Variants in MALRD1 observed in about 807,000 individuals in gnomAD.
The protein encoded by MALRD1 is MAM and LDL-receptor class A domain-containing protein 1.
A neutral mutation model predicts 242.1 loss-of-function variants in MALRD1; 247 were observed. The observed-to-expected ratio is 1.02, with a 90% CI of 0.92 to 1.13. The LOEUF (loss-of-function observed/expected upper bound fraction) is 1.13, where lower values mean the gene tolerates loss of function less well. MALRD1 is among the 50% of genes most tolerant of loss of function. The pLI is 0.00. For missense variants in MALRD1, 2,989 were observed against 2,533.1 expected, an observed-to-expected ratio of 1.18 and a Z score of -3.86; for synonymous variants, 995 against 866.6, an observed-to-expected ratio of 1.15 and a Z score of -2.60.
intron 18 of MALRD1, among the ~76,000 whole-genome samples, chr10:19,250,951 TTAA>T (rs1839269121): frequency 6.6e-6 from 1 of 151,948 alleles, no homozygotes; most frequent in Non-Finnish European, 1.5e-5. Context: ...GATTTCTCTT[TTAA>T]TATTATTATT....
At chr10:19,200,310 A>G (rs1439710533) in intron 14 of MALRD1, among the ~76,000 whole-genome samples, 1 of 152,196 alleles carries the variant, frequency 6.6e-6, no homozygotes, top group Admixed American at 6.5e-5. Context: ...TACTACTCAC[A>G]TGCTCAGCCT....
At chr10:19,489,791 A>G (rs1356766627) in intron 29 of MALRD1, among the ~76,000 whole-genome samples, 1 of 152,144 alleles carries the variant, frequency 6.6e-6, no homozygotes, top group Non-Finnish European at 1.5e-5. Context: ...AATTACTTCT[A>G]TTCCCATGTT....
rs564955602 is a variant in MALRD1 at position 19,273,336 on chromosome 10, TC to T, written c.3080-6710del. 3.3e-5 allele frequency among the ~76,000 whole-genome samples: 5 copies of T among 152,314 alleles called. No homozygotes were observed. The South Asian group carries it at 1.0e-3, about 32-fold the overall frequency. On this transcript the variant is annotated intron_variant, in intron 19 of 39. Transcript: ENST00000454679. ...CCGCTTTGAAAAAGGTTTGATATTTTCTTTTAGAATTAAACATAGTCTTACC... is the reference window on the plus strand; with the variant it reads ...CCGCTTTGAAAAAGGTTTGATATTTTTTTTAGAATTAAACATAGTCTTACC...
intron 24 of MALRD1, 80 bp downstream of exon 24, chr10:19,331,662 C>T: frequency 8.6e-7 from 1 of 1,162,094 alleles, no homozygotes; most frequent in Middle Eastern, 2.5e-4. Flanking sequence ...ATTGTTGAAA[C>T]ATGCAGAGTG....
intron 18 of MALRD1, among the ~76,000 whole-genome samples, chr10:19,228,384 G>A (rs892726891): frequency 1.3e-5 from 2 of 152,154 alleles, no homozygotes; most frequent in Admixed American, 6.6e-5. Context: ...CCTGTGTTCA[G>A]GAATGGAGAA....
rs1317431085 is a variant in MALRD1, at chr10:19,518,853, C to T, written c.5321-12341C>T. Among the ~76,000 whole-genome samples the T allele has an allele frequency of 3.3e-5, 5 of 152,278 alleles. No homozygotes were observed. The East Asian group carries it at 7.7e-4, about 24-fold the overall frequency. ...GCCATTCATGAATCACTCACAACCA[C>T]AGTGAAAATTATGACCATCAGCACT... On this transcript the variant is annotated intron_variant, in intron 31 of 39. Transcript: ENST00000454679.
At chr10:19,259,309 A>C (rs1194830985) in intron 19 of MALRD1, among the ~76,000 whole-genome samples, 2 of 152,122 alleles carry the variant, frequency 1.3e-5, no homozygotes, top group Non-Finnish European at 2.9e-5. Context: ...ATACTTGAGC[A>C]CTTCAGCCAA....
intron 28 of MALRD1, among the ~76,000 whole-genome samples, chr10:19,411,473 G>A (rs1833273810): frequency 6.6e-6 from 1 of 152,154 alleles, no homozygotes; most frequent in Non-Finnish European, 1.5e-5. Flanking sequence ...TATGAACTAA[G>A]CACTCTTCTA....
At chr10:19,573,969 G>A (rs1836680537) in intron 33 of MALRD1, among the ~76,000 whole-genome samples, 1 of 152,118 alleles carries the variant, frequency 6.6e-6, no homozygotes, top group South Asian at 2.1e-4. Context: ...GAGAGTGAAT[G>A]CATATTGTAA....
At chr10:19,695,425 G>T (rs1246290184) in intron 38 of MALRD1, among the ~76,000 whole-genome samples, 1 of 151,792 alleles carries the variant, frequency 6.6e-6, no homozygotes, top group African/African-American at 2.4e-5. Context: ...ATTTATAAAG[G>T]AAAGAAGTTT....
chr10:19,461,596 C>G (rs1280378285), intron 29 of MALRD1, among the ~76,000 whole-genome samples: 2 of 151,996 alleles, frequency 1.3e-5, no homozygotes, highest in Admixed American at 1.3e-4. Context: ...ATCTGTAATC[C>G]TACACTGTGG....
chr10:19,421,928 C>A (rs1356153681), intron 28 of MALRD1, among the ~76,000 whole-genome samples: 1 of 152,180 alleles, frequency 6.6e-6, no homozygotes, highest in African/African-American at 2.4e-5. Context: ...ATGGAAGGAG[C>A]ATATGACTGG....
chr10:19,240,736 C>T (rs116888216), intron 18 of MALRD1, among the ~76,000 whole-genome samples: 2,786 of 152,152 alleles, frequency 0.018, 36 homozygotes, highest in Non-Finnish European at 0.029. Flanking sequence ...TTGAGGTACA[C>T]TCCTATACCT....
chr10:19,285,393 G>A (rs1162341390), intron 21 of MALRD1, among the ~76,000 whole-genome samples: 11 of 147,150 alleles, frequency 7.5e-5, no homozygotes, highest in African/African-American at 2.3e-4. Flanking sequence ...TAGGTCTAAC[G>A]TTTAAATCTT....
At chr10:19,655,993 C>T (rs973781172) in intron 36 of MALRD1, among the ~76,000 whole-genome samples, 2 of 152,054 alleles carry the variant, frequency 1.3e-5, no homozygotes, top group African/African-American at 4.8e-5. Context: ...CTTCAATATT[C>T]TCATATATAA....
intron 36 of MALRD1, among the ~76,000 whole-genome samples, chr10:19,626,961 A>G (rs1360060171): frequency 1.3e-5 from 2 of 152,172 alleles, no homozygotes; most frequent in East Asian, 1.9e-4. Context: ...AGCTTGCTAT[A>G]AAGTCATTGT....
At position 19,717,354 on chromosome 10, in the gene MALRD1, C is replaced by G. The variant is rs149667276; in HGVS notation, c.6315-13352C>G. ...TGATTAATAATTTTTGAGGATTTAT[C>G]AAAGTCATTTTGAGGTATAACTGAC... On this transcript the variant is annotated intron_variant, in intron 38 of 39. Transcript: ENST00000454679. Among the ~76,000 whole-genome samples, 388 of 152,210 alleles carry G rather than the reference C, an allele frequency of 2.5e-3. 2 individuals are homozygous for G. The highest frequency in any genetic ancestry group is 8.9e-3 in the African/African-American group (369 of 41,530).
intron 24 of MALRD1, among the ~76,000 whole-genome samples, chr10:19,333,034 C>G (rs1843454189): frequency 6.6e-6 from 1 of 151,966 alleles, no homozygotes; most frequent in African/African-American, 2.4e-5. Flanking sequence ...TCTGACAGGC[C>G]CTGGTGTATG....
At chr10:19,148,773 TAAAA>T (rs1174673634) in intron 11 of MALRD1, among the ~76,000 whole-genome samples, 18 of 114,468 alleles carry the variant, frequency 1.6e-4, no homozygotes, top group African/African-American at 4.9e-4. Context: ...AAGGGCCAAT[TAAAA>T]AAAAAAAAAA....
Sources: allele counts gnomAD v4.1 joint callset (sites outside exome capture counted in the v4.1 genomes callset), GRCh38; gene constraint gnomAD v4.1.1; transcripts MANE v1.5; gene names NCBI Gene and HGNC (gene_info 2026-07-23, HGNC 2026-07-21).